Variants in CTNNA1 observed in about 807,000 individuals in gnomAD.
The protein encoded by CTNNA1 is catenin alpha 1, also known as catenin alpha-1.
Under a neutral mutation model 98.4 loss-of-function variants are expected in CTNNA1, and 37 were observed. That is an observed-to-expected ratio of 0.38 (90% CI 0.29 to 0.49). The LOEUF (loss-of-function observed/expected upper bound fraction) is 0.49, where lower values mean the gene tolerates loss of function less well. Among genes scored for constraint, CTNNA1 ranks in the 20% least tolerant of loss-of-function variants. CTNNA1 has a pLI of 0.95. For synonymous variants in CTNNA1, 404 were observed against 413.2 expected (o/e 0.98, Z 0.27); for missense variants, 761 against 1,147.2 (o/e 0.66, Z 4.86).
chr5:138,866,136 ACT>A (rs1287237491), intron 7 of CTNNA1, among the ~76,000 whole-genome samples: 1 of 152,122 alleles, frequency 6.6e-6, no homozygotes, highest in Non-Finnish European at 1.5e-5. Flanking sequence ...ACATGGTGAA[ACT>A]CTGTCTCTAC....
chr5:138,886,335 T>G lies in CTNNA1; in HGVS notation c.1143+43T>G, dbSNP rs374878266. The G allele has an allele frequency of 5.0e-5, 77 of 1,535,606 alleles. 1 individual carries two copies. In the African/African-American group the frequency reaches 1.0e-3, roughly 20 times the overall value. Reference sequence around the variant, plus strand: ...GCTGATTGTTTTTCTAAGTTCTCAATTTTGTAGTTTTGATTAAAATCCTAA... The same window carrying G: ...GCTGATTGTTTTTCTAAGTTCTCAAGTTTGTAGTTTTGATTAAAATCCTAA... On this transcript the variant is annotated intron_variant, in intron 8 of 17. Transcript: ENST00000302763.
At chr5:138,882,055 C>T (rs990586727) in intron 7 of CTNNA1, among the ~76,000 whole-genome samples, 1 of 152,172 alleles carries the variant, frequency 6.6e-6, no homozygotes, top group Non-Finnish European at 1.5e-5. Context: ...TTAAATGTGT[C>T]TCTAATTGGT....
intron 7 of CTNNA1, among the ~76,000 whole-genome samples, chr5:138,838,234 T>C (rs923654091): frequency 3.9e-5 from 6 of 152,244 alleles, no homozygotes; most frequent in Admixed American, 6.5e-5. Flanking sequence ...TTTTAAATTA[T>C]AAATTCAGTT....
chr5:138,799,890 ATGTG>A (rs1223498251), intron 3 of CTNNA1, among the ~76,000 whole-genome samples: 2 of 138,778 alleles, frequency 1.4e-5, no homozygotes, highest in South Asian at 2.3e-4. Context: ...GTATGTATGT[ATGTG>A]TGTGTGTATG....
intron 1 of CTNNA1, among the ~76,000 whole-genome samples, chr5:138,774,608 A>G (rs1459709723): frequency 1.3e-5 from 2 of 148,998 alleles, no homozygotes; most frequent in Admixed American, 6.7e-5. Context: ...GCTGTTGTGC[A>G]TATTGTGCTG....
At chr5:138,852,128 T>C (rs1307781970) in intron 7 of CTNNA1, among the ~76,000 whole-genome samples, 1 of 152,134 alleles carries the variant, frequency 6.6e-6, no homozygotes, top group East Asian at 1.9e-4. Flanking sequence ...ACCCAATTAG[T>C]AGTGCTATAG....
Position 138,830,166 on chromosome 5 carries a change from C to CAA in CTNNA1, c.1062+2460_1062+2461dup, listed in dbSNP as rs113554684. On this transcript the variant is annotated intron_variant, in intron 7 of 17. Transcript: ENST00000302763. ...TGGGGAACAGAGGGAGACTCCATCT[C>CAA]AAAAAAAAAAAAACCCAAAAAATAA... 3.6e-3 allele frequency among the ~76,000 whole-genome samples: 493 copies of CAA among 135,702 alleles called. 3 individuals are homozygous for CAA. The highest frequency in any genetic ancestry group is 0.013 in the African/African-American group (461 of 36,162). The allele number at this position is 135,702 out of a possible 152,430, so 89.0% of individuals were successfully genotyped here. A position where few individuals can be genotyped will look rare whatever the true frequency, so the allele number is the denominator to read the frequency against.
intron 3 of CTNNA1, among the ~76,000 whole-genome samples, chr5:138,794,274 C>A (rs543437478): frequency 6.6e-6 from 1 of 152,186 alleles, no homozygotes; most frequent in South Asian, 2.1e-4. Context: ...GCCTTGGCCT[C>A]CCAAAGTGCT....
chr5:138,872,320 A>C (rs1750747035), intron 7 of CTNNA1: 1 of 152,626 alleles, frequency 6.6e-6, no homozygotes. Flanking sequence ...GTTTCATTGT[A>C]ATGAGACCTT....
rs114269986 is a variant in CTNNA1 at position 138,798,218 on chromosome 5, A to G, written c.302-11820A>G. Among the ~76,000 whole-genome samples, 438 of 152,346 alleles carry G rather than the reference A, an allele frequency of 2.9e-3. 1 individual carries two copies. The highest frequency in any genetic ancestry group is 0.01 in the African/African-American group (426 of 41,574). ...CAGAAGTATTTGTTGAGCTTTGCAT[A>G]TATTATTTCATTTAATTTTCAAAAC... On this transcript the variant is annotated intron_variant, in intron 3 of 17. Transcript: ENST00000302763.
rs945969714 is a variant in CTNNA1, at chr5:138,931,802, A to C, written c.2299-776A>C. The C allele has an allele frequency of 2.8e-5, 28 of 985,470 alleles. No individual in the cohort carries two copies. In the African/African-American group the frequency reaches 4.4e-4, roughly 15 times the overall value. The allele number at this position is 985,470 out of a possible 1,614,324, so 61.0% of individuals were successfully genotyped here. Reference sequence around the variant, plus strand: ...ACTACTTAGAATACAGCTCATCTCCAGTATGGTCTGCGGGGTCTCAGTTCA... The same window carrying C: ...ACTACTTAGAATACAGCTCATCTCCCGTATGGTCTGCGGGGTCTCAGTTCA... On this transcript the variant is annotated intron_variant, in intron 16 of 17. Coordinates refer to ENST00000302763, the MANE Select transcript of CTNNA1 (RefSeq NM_001903.5).
chr5:138,787,733 A>G (rs912612246), intron 3 of CTNNA1, among the ~76,000 whole-genome samples: 2 of 152,216 alleles, frequency 1.3e-5, no homozygotes. Flanking sequence ...AATAACCAAA[A>G]GTTGGAATGT....
intron 7 of CTNNA1, among the ~76,000 whole-genome samples, chr5:138,866,492 A>G (rs1031015101): frequency 2.6e-5 from 4 of 152,200 alleles, no homozygotes; most frequent in African/African-American, 7.2e-5. Context: ...AATTGTCTCT[A>G]GGGCTGCAGT....
rs760806036 is a variant in CTNNA1, at chr5:138,917,915, C to G, written c.1546+17C>G. Reference sequence around the variant, plus strand: ...CTGTCTCAGGTAATGAGCTGGTTCCCCAGAGAAGTATGTGAAGATGTTCAT... The same window carrying G: ...CTGTCTCAGGTAATGAGCTGGTTCCGCAGAGAAGTATGTGAAGATGTTCAT... On this transcript the variant is annotated intron_variant, in intron 11 of 17. Coordinates refer to ENST00000302763, the MANE Select transcript of CTNNA1 (RefSeq NM_001903.5). 6.2e-7 allele frequency: 1 copy of G among 1,611,734 alleles called. No homozygotes were observed. The highest frequency in any genetic ancestry group is 8.5e-7 in the Non-Finnish European group (1 of 1,178,296).
At chr5:138,839,560 A>G (rs1762096902) in intron 7 of CTNNA1, among the ~76,000 whole-genome samples, 1 of 152,080 alleles carries the variant, frequency 6.6e-6, no homozygotes. Flanking sequence ...GGTTGATGGC[A>G]TTGTTCTATA....
In CTNNA1 at chr5:138,885,530, T is replaced by TA. The variant is rs548728094; in HGVS notation, c.1063-681dup. Among the ~76,000 whole-genome samples the TA allele has an allele frequency of 7.6e-4, 116 of 152,328 alleles. 2 individuals are homozygous for TA. Among genetic ancestry groups the TA allele is most frequent in the Middle Eastern group, 6.8e-3 (2 of 294 alleles). ...TTCCATTTGATTCTGCTTAGAATGTTACCCTGGCAAATCTCGACTCAGCAC... is the reference window on the plus strand; with the variant it reads ...TTCCATTTGATTCTGCTTAGAATGTTAACCCTGGCAAATCTCGACTCAGCAC... On this transcript the variant is annotated intron_variant, in intron 7 of 17. Transcript: ENST00000302763.
intron 10 of CTNNA1, among the ~76,000 whole-genome samples, chr5:138,910,226 C>CTTTTTTTTTTTTTT (rs70982740): frequency 3.8e-5 from 2 of 53,228 alleles, no homozygotes; most frequent in African/African-American, 7.9e-5. Flanking sequence ...TCCTACTTTT[C>CTTTTTTTTTTTTTT]TTTTTTTTTT....
intron 7 of CTNNA1, among the ~76,000 whole-genome samples, chr5:138,832,684 C>T (rs926521273): frequency 1.3e-5 from 2 of 152,058 alleles, no homozygotes; most frequent in Non-Finnish European, 2.9e-5. Context: ...TTTTCTTCTT[C>T]TATGCAGAGC....
At chr5:138,891,675 C>CT (rs1242226332) in intron 9 of CTNNA1, among the ~76,000 whole-genome samples, 2 of 152,162 alleles carry the variant, frequency 1.3e-5, no homozygotes. Flanking sequence ...AGGAGAATTG[C>CT]TTGAACCCAG....
Sources: allele counts gnomAD v4.1 joint callset (sites outside exome capture counted in the v4.1 genomes callset), GRCh38; gene constraint gnomAD v4.1.1; transcripts MANE v1.5; gene names NCBI Gene and HGNC (gene_info 2026-07-23, HGNC 2026-07-21).